The following ATP2B2 variants were observed in gnomAD, a reference collection of about 807,000 sequenced individuals.
ATP2B2 encodes plasma membrane calcium-transporting ATPase 2.
Under a neutral mutation model 120.0 loss-of-function variants are expected in ATP2B2, and 15 were observed. The ratio of observed to expected loss-of-function variants is 0.12; its 90% CI spans 0.08 to 0.19. The LOEUF (loss-of-function observed/expected upper bound fraction) is 0.19, where lower values mean the gene tolerates loss of function less well. Among genes scored for constraint, ATP2B2 ranks in the 10% least tolerant of loss-of-function variants. ATP2B2 has a pLI of 1.00. For missense variants in ATP2B2, 1,045 were observed against 1,719.8 expected (o/e 0.61, Z 6.94); for synonymous variants, 694 against 700.3 (o/e 0.99, Z 0.14).
intron 1 of ATP2B2, among the ~76,000 whole-genome samples, chr3:10,660,912 C>A (rs1350460208): frequency 6.6e-6 from 1 of 152,184 alleles, no homozygotes; most frequent in African/African-American, 2.4e-5. Context: ...ATCAAGTGGG[C>A]TTCATTCCTG....
intron 14 of ATP2B2, among the ~76,000 whole-genome samples, chr3:10,354,429 C>G (rs2060658301): frequency 6.6e-6 from 1 of 152,304 alleles, no homozygotes; most frequent in East Asian, 1.9e-4. Context: ...ATATTTCTCA[C>G]TGAGGGAAAG....
intron 2 of ATP2B2, among the ~76,000 whole-genome samples, chr3:10,607,449 C>T (rs1201349691): frequency 1.3e-5 from 2 of 152,194 alleles, no homozygotes; most frequent in East Asian, 3.8e-4. Flanking sequence ...CCTGGACTCC[C>T]TGGAGAGGGG....
At chr3:10,658,339 AC>A (rs138266074) in intron 1 of ATP2B2, among the ~76,000 whole-genome samples, 63,794 of 151,928 alleles carry the variant, frequency 0.42, 16,234 homozygotes, top group Non-Finnish European at 0.57. Context: ...GAAGCTAAAA[AC>A]CTTGAGAAAA....
At chr3:10,360,172 G>A in intron 12 of ATP2B2, 49 bp from the exon 13 acceptor site, 1 of 1,536,656 alleles carries the variant, frequency 6.5e-7, no homozygotes, top group Non-Finnish European at 8.7e-7. Context: ...CCTGTGTCGG[G>A]AGCCTCTGCC....
chr3:10,352,988 C>G (rs1315337365), intron 14 of ATP2B2, among the ~76,000 whole-genome samples: 2 of 152,232 alleles, frequency 1.3e-5, no homozygotes, highest in East Asian at 3.9e-4. Context: ...CCCAGGTGTC[C>G]TCAACAGATG....
intron 3 of ATP2B2, among the ~76,000 whole-genome samples, chr3:10,408,154 G>A (rs951386787): frequency 5.2e-4 from 79 of 152,352 alleles, no homozygotes; most frequent in Non-Finnish European, 2.5e-4. Context: ...TTCCTGGTCT[G>A]TGAAATGGGT....
chr3:10,469,766 C>T (rs569295231), intron 1 of ATP2B2, among the ~76,000 whole-genome samples: 101 of 152,314 alleles, frequency 6.6e-4, no homozygotes, highest in Non-Finnish European at 2.4e-4. Context: ...TGGACTTGAG[C>T]AGGTATGAGA....
intron 5 of ATP2B2, among the ~76,000 whole-genome samples, chr3:10,398,269 C>T (rs1341565206): frequency 6.6e-6 from 1 of 152,176 alleles, no homozygotes; most frequent in Non-Finnish European, 1.5e-5. Flanking sequence ...CTCCAGGTTC[C>T]CGCATGCCCC....
At chr3:10,520,534 A>G (rs1247574058) in intron 3 of ATP2B2, among the ~76,000 whole-genome samples, 1 of 152,168 alleles carries the variant, frequency 6.6e-6, no homozygotes, top group Non-Finnish European at 1.5e-5. Context: ...GCAGGGCACA[A>G]TCTCGGCTCA....
chr3:10,688,551 T>C (rs1042856849), intron 1 of ATP2B2, among the ~76,000 whole-genome samples: 53 of 152,174 alleles, frequency 3.5e-4, no homozygotes, highest in Non-Finnish European at 7.4e-5. Context: ...TATAGATGTG[T>C]CCCTGTTGGC....
chr3:10,619,054 A>C (rs1291349361), intron 2 of ATP2B2, among the ~76,000 whole-genome samples: 2 of 151,940 alleles, frequency 1.3e-5, no homozygotes, highest in African/African-American at 4.8e-5. Flanking sequence ...TTGCACACAC[A>C]CCCACCCCCA....
chr3:10,682,488 A>G (rs997148334), intron 1 of ATP2B2, among the ~76,000 whole-genome samples: 1 of 152,216 alleles, frequency 6.6e-6, no homozygotes, highest in African/African-American at 2.4e-5. Context: ...GACAGTGACA[A>G]TGCTTCTCTT....
intron 2 of ATP2B2, among the ~76,000 whole-genome samples, chr3:10,436,605 G>A (rs17032883): frequency 0.025 from 3,860 of 152,304 alleles, 172 homozygotes; most frequent in African/African-American, 0.087. Context: ...TACTTAGTGA[G>A]TCGTGCCACT....
At chr3:10,589,351 G>A (rs7651026) in intron 2 of ATP2B2, among the ~76,000 whole-genome samples, 25 of 152,312 alleles carry the variant, frequency 1.6e-4, no homozygotes, top group African/African-American at 5.5e-4. Flanking sequence ...CCCAGGCCTG[G>A]AGATATAGAG....
At chr3:10,485,182 C>T (rs17032975) in intron 1 of ATP2B2, among the ~76,000 whole-genome samples, 5,809 of 152,320 alleles carry the variant, frequency 0.038, 143 homozygotes, top group South Asian at 0.12. Flanking sequence ...AAGAGTGGCA[C>T]CTGCTTTTTA....
intron 1 of ATP2B2, among the ~76,000 whole-genome samples, chr3:10,504,576 C>T (rs1006053399): frequency 2.0e-5 from 3 of 152,122 alleles, no homozygotes; most frequent in Admixed American, 1.3e-4. Context: ...CCCCAACCCC[C>T]AACCCCCAAC....
At chr3:10,587,742 GGTTTTTTT>G (rs1296511481) in intron 2 of ATP2B2, among the ~76,000 whole-genome samples, 1 of 116,918 alleles carries the variant, frequency 8.6e-6, no homozygotes, top group African/African-American at 4.0e-5. Context: ...AAGTGTTTCT[GGTTTTTTT>G]GTTTGTTTGT....
chr3:10,546,514 C>A (rs888582761), intron 2 of ATP2B2, among the ~76,000 whole-genome samples: 5 of 152,208 alleles, frequency 3.3e-5, no homozygotes, highest in African/African-American at 1.2e-4. Context: ...ACCTCTCCAC[C>A]CCGCTGGGGC....
intron 2 of ATP2B2, among the ~76,000 whole-genome samples, chr3:10,539,076 C>A (rs190297170): frequency 1.3e-3 from 205 of 152,244 alleles, no homozygotes; most frequent in African/African-American, 4.6e-3. Flanking sequence ...TTCCTATACA[C>A]CAATAATAGA....
Sources: allele counts gnomAD v4.1 joint callset (sites outside exome capture counted in the v4.1 genomes callset), GRCh38; gene constraint gnomAD v4.1.1; transcripts MANE v1.5; gene names NCBI Gene and HGNC (gene_info 2026-07-23, HGNC 2026-07-21).